The following SSUH2 variants were observed in gnomAD, a reference collection of about 807,000 sequenced individuals.
SSUH2 encodes protein SSUH2 homolog.
Under a neutral mutation model 55.3 loss-of-function variants are expected in SSUH2, and 47 were observed. The ratio of observed to expected loss-of-function variants is 0.85; its 90% CI spans 0.67 to 1.08. The LOEUF (loss-of-function observed/expected upper bound fraction) is 1.08, where lower values mean the gene tolerates loss of function less well. SSUH2 is among the 50% of genes least tolerant of loss of function. The pLI is 0.00. For synonymous variants in SSUH2, 212 were observed against 191.5 expected, an observed-to-expected ratio of 1.11 and a Z score of -0.89; for missense variants, 535 against 490.7, an observed-to-expected ratio of 1.09 and a Z score of -0.85.
intron 7 of SSUH2, among the ~76,000 whole-genome samples, chr3:8,650,542 T>C (rs1225095372): frequency 6.6e-6 from 1 of 152,200 alleles, no homozygotes; most frequent in Non-Finnish European, 1.5e-5. Flanking sequence ...GTGGGGAAAC[T>C]GATAGAAGAA....
intron 3 of SSUH2, among the ~76,000 whole-genome samples, chr3:8,675,361 C>T (rs538312556): frequency 1.3e-5 from 2 of 152,298 alleles, no homozygotes; most frequent in East Asian, 1.9e-4. Context: ...GGCGTTGGCT[C>T]GAGACCATCA....
At chr3:8,649,460 C>T (rs1016251258), upstream of SSUH2, among the ~76,000 whole-genome samples, 2 of 152,090 alleles carry the variant, frequency 1.3e-5, no homozygotes, top group African/African-American at 2.4e-5. Context: ...TGGTCGTCCA[C>T]GCACTCATGA....
At chr3:8,626,028 T>A (rs11917600) in intron 9 of SSUH2, among the ~76,000 whole-genome samples, 448 of 152,292 alleles carry the variant, frequency 2.9e-3, no homozygotes, top group African/African-American at 0.01. Context: ...GAATTTGGAC[T>A]GAGGTCTGTC....
intron 1 of SSUH2, among the ~76,000 whole-genome samples, chr3:8,641,943 CA>C (rs1322730439): frequency 3.9e-5 from 6 of 152,160 alleles, no homozygotes; most frequent in African/African-American, 9.7e-5. Context: ...AGCACTGGGT[CA>C]GGGGTGGTGA....
At chr3:8,633,002 A>C (rs1269600900) in intron 4 of SSUH2, among the ~76,000 whole-genome samples, 2 of 152,108 alleles carry the variant, frequency 1.3e-5, no homozygotes, top group Non-Finnish European at 2.9e-5. Flanking sequence ...TGCCTCTTTA[A>C]ATTTCCAATT....
chr3:8,642,100 T>G (rs1700950561), intron 1 of SSUH2, among the ~76,000 whole-genome samples: 1 of 152,202 alleles, frequency 6.6e-6, no homozygotes, highest in African/African-American at 2.4e-5. Context: ...CTCCTAAAAT[T>G]ACCAGAGACT....
chr3:8,628,766 C>T lies in SSUH2; in HGVS notation c.588+898G>A, dbSNP rs373138336. 6.6e-5 allele frequency among the ~76,000 whole-genome samples: 10 copies of T among 152,314 alleles called. 2 individuals carry two copies. Among genetic ancestry groups the T allele is most frequent in the Admixed American group, 2.6e-4 (4 of 15,308 alleles). On this transcript the variant is annotated intron_variant, in intron 7 of 11. Coordinates refer to ENST00000544814, the MANE Select transcript of SSUH2 (RefSeq NM_001256748.3). Reference sequence around the variant, plus strand: ...AAGGGGATGGCTTCCCTCTCAGTGCCTCCAGAAGAACCAGCCTAGCCCACA... The same window carrying T: ...AAGGGGATGGCTTCCCTCTCAGTGCTTCCAGAAGAACCAGCCTAGCCCACA...
chr3:8,640,006 T>C (rs1343145730), intron 1 of SSUH2: 2 of 985,336 alleles, frequency 2.0e-6, no homozygotes, highest in Non-Finnish European at 2.4e-6. Context: ...ATACTTGAGA[T>C]GGTGCCAAAA....
At chr3:8,649,585 A>C (rs1702151219), upstream of SSUH2, among the ~76,000 whole-genome samples, 1 of 152,088 alleles carries the variant, frequency 6.6e-6, no homozygotes, top group South Asian at 2.1e-4. Flanking sequence ...CTGTGTGTTC[A>C]GCACTGAACT....
At chr3:8,629,796 A>C in intron 6 of SSUH2, 70 bp from the exon 7 acceptor site, 1 of 1,444,082 alleles carries the variant, frequency 6.9e-7, no homozygotes, top group Non-Finnish European at 9.8e-7. Context: ...TAACATCACC[A>C]TCTAAACCGA....
intron 2 of SSUH2, among the ~76,000 whole-genome samples, chr3:8,678,459 C>T (rs1414503544): frequency 6.6e-6 from 1 of 151,692 alleles, no homozygotes; most frequent in Admixed American, 6.6e-5. Context: ...CGCCTCTATC[C>T]CCCCCTGGCT....
At chr3:8,625,423 C>T in intron 10 of SSUH2, 119 bp downstream of exon 10, 2 of 643,928 alleles carry the variant, frequency 3.1e-6, no homozygotes, top group Non-Finnish European at 5.5e-6. Context: ...GGGAGCTCTG[C>T]TCCTACACAA....
At position 8,635,788 on chromosome 3, in the gene SSUH2, G is replaced by A. The variant is rs1167057023; in HGVS notation, c.98C>T (p.Pro33Leu). The change falls in exon 2 of 12, where the codon CCC becomes CTC. Residue 33 changes from proline to leucine, a missense_variant. Physicochemically the swap from Pro to Leu is moderately conservative, Grantham distance 98 (BLOSUM62 -3). Coordinates refer to ENST00000544814, the MANE Select transcript of SSUH2 (RefSeq NM_001256748.3). The part of the protein sequence containing the change: ...APPTELLERL[P>L]SYDWLLQGGR... ...CCCTTGAAGAAGCCAGTCATAGCTG[G>A]GCAGTCTCTCCAGGAGCTCTGTGGG... 2 of 1,535,964 alleles carry A rather than the reference G, an allele frequency of 1.3e-6. No individual in the cohort carries two copies. Among genetic ancestry groups the A allele is most frequent in the Admixed American group, 2.0e-5 (1 of 50,996 alleles).
At chr3:8,666,361 A>G (rs1703990469) in intron 5 of SSUH2, among the ~76,000 whole-genome samples, 1 of 152,208 alleles carries the variant, frequency 6.6e-6, no homozygotes, top group East Asian at 1.9e-4. Context: ...CAATATATTC[A>G]AAAGTTCAAA....
chr3:8,661,371 A>C (rs1703469245), intron 6 of SSUH2, among the ~76,000 whole-genome samples: 1 of 152,176 alleles, frequency 6.6e-6, no homozygotes. Flanking sequence ...TCATTCTCTC[A>C]CGTATCCTTT....
At chr3:8,620,099 T>C in intron 11 of SSUH2, 85 bp from the exon 12 acceptor site, 1 of 1,463,890 alleles carries the variant, frequency 6.8e-7, no homozygotes, top group African/African-American at 1.4e-5. Flanking sequence ...CTCCCTACTG[T>C]GTGTGGTATG....
upstream of SSUH2, among the ~76,000 whole-genome samples, chr3:8,648,157 C>T (rs182226952): frequency 8.7e-4 from 133 of 152,232 alleles, no homozygotes; most frequent in African/African-American, 3.1e-3. Flanking sequence ...ACAACAACTC[C>T]GTAAGATAGA....
intron 1 of SSUH2, among the ~76,000 whole-genome samples, chr3:8,639,645 G>T (rs745450703): frequency 1.8e-4 from 28 of 152,238 alleles, no homozygotes; most frequent in Non-Finnish European, 3.7e-4. Context: ...ATTATTAATG[G>T]GTAACCCCTT....
intron 11 of SSUH2, among the ~76,000 whole-genome samples, chr3:8,622,017 C>T (rs895477445): frequency 2.0e-5 from 3 of 151,724 alleles, no homozygotes; most frequent in Non-Finnish European, 4.4e-5. Flanking sequence ...ACATCAATTG[C>T]CATCAAGTGG....
Sources: gnomAD v4.1 joint callset for allele counts (sites outside exome capture counted in the v4.1 genomes callset) on GRCh38, gnomAD v4.1.1 for gene constraint, MANE v1.5 for transcripts, NCBI Gene and HGNC (gene_info 2026-07-23, HGNC 2026-07-21) for gene names.